PTPRD: variants seen among roughly 807,000 people sequenced by gnomAD.
The protein encoded by PTPRD is receptor-type tyrosine-protein phosphatase delta.
A neutral mutation model predicts 214.5 loss-of-function variants in PTPRD; 34 were observed. The observed-to-expected ratio is 0.16, with a 90% CI of 0.12 to 0.21. The LOEUF (loss-of-function observed/expected upper bound fraction) is 0.21, where lower values mean the gene tolerates loss of function less well. Among genes scored for constraint, PTPRD ranks in the 10% least tolerant of loss-of-function variants. The probability of loss-of-function intolerance (pLI) is 1.00; values close to 1 mark genes in which losing one functional copy is unlikely to be tolerated. For missense variants in PTPRD, 2,545 were observed against 2,398.7 expected (o/e 1.06, Z -1.27); for synonymous variants, 1,128 against 845.7 (o/e 1.33, Z -5.79).
intron 3 of PTPRD, among the ~76,000 whole-genome samples, chr9:10,179,886 C>A (rs1477625228): frequency 2.0e-5 from 3 of 152,034 alleles, no homozygotes; most frequent in Middle Eastern, 3.4e-3. Context: ...ACTAAGCATA[C>A]TATTTTATTT....
At chr9:8,732,636 A>G (rs2098672590) in intron 12 of PTPRD, among the ~76,000 whole-genome samples, 1 of 152,236 alleles carries the variant, frequency 6.6e-6, no homozygotes, top group African/African-American at 2.4e-5. Context: ...TATATACATT[A>G]TTAACCAGAG....
At chr9:9,731,646 A>C (rs998553559) in intron 7 of PTPRD, among the ~76,000 whole-genome samples, 1 of 152,148 alleles carries the variant, frequency 6.6e-6, no homozygotes, top group Admixed American at 6.6e-5. Context: ...AAAAAGGATG[A>C]GTTCATGTCC....
At chr9:8,544,106 G>A (rs924915567) in intron 14 of PTPRD, among the ~76,000 whole-genome samples, 5 of 151,596 alleles carry the variant, frequency 3.3e-5, no homozygotes, top group African/African-American at 7.3e-5. Context: ...CATTTGCTGG[G>A]AACCTATTGG....
chr9:8,768,293 G>A (rs1599174881), intron 11 of PTPRD, among the ~76,000 whole-genome samples: 1 of 152,180 alleles, frequency 6.6e-6, no homozygotes, highest in South Asian at 2.1e-4. Flanking sequence ...AGTCCTGCCT[G>A]TAATCCCAAC....
At chr9:10,043,367 T>C (rs1453184478) in intron 3 of PTPRD, among the ~76,000 whole-genome samples, 1 of 151,898 alleles carries the variant, frequency 6.6e-6, no homozygotes, top group African/African-American at 2.4e-5. Flanking sequence ...CATTTTCATA[T>C]TCCAACTATA....
intron 3 of PTPRD, among the ~76,000 whole-genome samples, chr9:10,065,482 T>C (rs1313978522): frequency 6.6e-6 from 1 of 151,938 alleles, no homozygotes; most frequent in African/African-American, 2.4e-5. Flanking sequence ...AGGCCTATTT[T>C]ATTTGCTTGC....
chr9:9,955,502 G>A (rs1002348798), intron 4 of PTPRD, among the ~76,000 whole-genome samples: 12 of 147,158 alleles, frequency 8.2e-5, no homozygotes, highest in East Asian at 2.0e-4. Context: ...TTGGGTTTTC[G>A]TTTTTTTTGT....
At chr9:9,108,815 C>T (rs1210142475) in intron 10 of PTPRD, among the ~76,000 whole-genome samples, 1 of 152,114 alleles carries the variant, frequency 6.6e-6, no homozygotes, top group Non-Finnish European at 1.5e-5. Flanking sequence ...CTGCTGAGGC[C>T]CTCTGGCACC....
chr9:10,454,179 C>T (rs949262594), intron 2 of PTPRD, among the ~76,000 whole-genome samples: 13 of 151,250 alleles, frequency 8.6e-5, no homozygotes, highest in African/African-American at 1.2e-4. Flanking sequence ...ATCTGGATAC[C>T]CAGATTTCCA....
At chr9:9,096,877 T>A (rs1436585760) in intron 10 of PTPRD, among the ~76,000 whole-genome samples, 5 of 152,212 alleles carry the variant, frequency 3.3e-5, no homozygotes, top group Non-Finnish European at 7.3e-5. Flanking sequence ...TAAGATGATA[T>A]CTGAGGTACA....
chr9:8,502,282 G>A (rs1006393706), intron 23 of PTPRD, among the ~76,000 whole-genome samples: 5 of 151,990 alleles, frequency 3.3e-5, no homozygotes, highest in South Asian at 2.1e-4. Flanking sequence ...ATACACACAC[G>A]CATATATTTT....
chr9:10,205,857 A>C (rs1238554067), intron 3 of PTPRD, among the ~76,000 whole-genome samples: 1 of 152,156 alleles, frequency 6.6e-6, no homozygotes, highest in Admixed American at 6.5e-5. Flanking sequence ...TGCATTATTC[A>C]CTTTGGGTTC....
intron 8 of PTPRD, among the ~76,000 whole-genome samples, chr9:9,538,679 A>G (rs2154270065): frequency 6.6e-6 from 1 of 152,082 alleles, no homozygotes; most frequent in Non-Finnish European, 1.5e-5. Context: ...AGGAATAAAA[A>G]TATTGATGCA....
At chr9:9,126,586 T>G (rs2099834270) in intron 10 of PTPRD, among the ~76,000 whole-genome samples, 1 of 152,222 alleles carries the variant, frequency 6.6e-6, no homozygotes, top group Non-Finnish European at 1.5e-5. Context: ...GTGAAATTAA[T>G]GTGAGTTATA....
intron 11 of PTPRD, among the ~76,000 whole-genome samples, chr9:8,834,232 A>C (rs1340234640): frequency 3.3e-5 from 5 of 152,104 alleles, no homozygotes; most frequent in African/African-American, 4.8e-5. Context: ...ATTATAACAG[A>C]CAAGGAAGCT....
chr9:8,502,243 A>G (rs1292872396), intron 23 of PTPRD, among the ~76,000 whole-genome samples: 1 of 152,162 alleles, frequency 6.6e-6, no homozygotes, highest in Non-Finnish European at 1.5e-5. Flanking sequence ...AAAGAAAAAC[A>G]AACAAGTGGG....
intron 14 of PTPRD, among the ~76,000 whole-genome samples, chr9:8,562,088 A>G (rs1016172601): frequency 6.6e-6 from 1 of 152,180 alleles, no homozygotes; most frequent in Admixed American, 6.5e-5. Flanking sequence ...ATTTGAAGCA[A>G]GAGGAGATTG....
At chr9:10,357,970 T>C (rs145559735) in intron 2 of PTPRD, among the ~76,000 whole-genome samples, 68 of 152,142 alleles carry the variant, frequency 4.5e-4, no homozygotes, top group African/African-American at 1.5e-3. Flanking sequence ...ATTGATAAAA[T>C]AGCAATAATG....
intron 11 of PTPRD, among the ~76,000 whole-genome samples, chr9:8,741,318 T>C (rs557184622): frequency 3.5e-4 from 54 of 152,280 alleles, no homozygotes; most frequent in South Asian, 2.7e-3. Flanking sequence ...TAAAATTTCT[T>C]TCAGTTATTA....
Sources: allele counts gnomAD v4.1 joint callset (sites outside exome capture counted in the v4.1 genomes callset), GRCh38; gene constraint gnomAD v4.1.1; transcripts MANE v1.5; gene names NCBI Gene and HGNC (gene_info 2026-07-23, HGNC 2026-07-21).